Variants in RNF43 observed in about 807,000 individuals in gnomAD.
The protein encoded by RNF43 is E3 ubiquitin-protein ligase RNF43.
In RNF43, 37 loss-of-function variants were observed where a neutral mutation model predicts 78.4. The ratio of observed to expected loss-of-function variants is 0.47; its 90% CI spans 0.36 to 0.62. RNF43 has a LOEUF of 0.62. Ranked by LOEUF, RNF43 falls within the 20% of genes least tolerant of loss-of-function variation. RNF43 has a pLI of 0.00. For synonymous variants in RNF43, 347 were observed against 395.0 expected (o/e 0.88, Z 1.44); for missense variants, 774 against 1,007.9 (o/e 0.77, Z 3.14).
At position 58,360,847 on chromosome 17, in the gene RNF43, G is replaced by C. The variant is rs2143446210; in HGVS notation, c.785C>G (p.Ser262Ter). ...AGGGGCTGAGCTGCAGCTGCTCCCT[G>C]AGTCTGGCCACTCACCCCGGGCCTG... ...CRQARGEWPD[S>*]GSSCSSAPVC... is the part of the protein sequence containing the mutation. Residue 262 changes from serine to a stop codon, truncating the protein, a stop_gained, in exon 7 of 10, where the codon TCA becomes TGA. Transcript: ENST00000407977. LOFTEE classifies it high-confidence loss of function. The surrounding 1 kb of genome is among the most constrained non-coding windows in gnomAD (Gnocchi z 4.3). The C allele has an allele frequency of 6.2e-7, 1 of 1,613,126 alleles. No homozygotes were observed.
chr17:58,361,978 C>T (rs1269398462), intron 6 of RNF43, among the ~76,000 whole-genome samples: 1 of 151,988 alleles, frequency 6.6e-6, no homozygotes, highest in Non-Finnish European at 1.5e-5. Flanking sequence ...CCCAGCTACT[C>T]GCGAGACTGA....
At chr17:58,353,403 T>C (rs1234519920), downstream of RNF43, 2 of 198,894 alleles carry the variant, frequency 1.0e-5, no homozygotes, top group African/African-American at 4.6e-5. Flanking sequence ...CACTGAAGTA[T>C]GATAATGTGT....
In RNF43 at chr17:58,358,666, T is replaced by TG; in HGVS notation, c.1109dup (p.Arg371ThrfsTer72). 1 of 1,524,194 alleles carries TG rather than the reference T, an allele frequency of 6.6e-7. No individual in the cohort carries two copies. Among genetic ancestry groups the TG allele is most frequent in the Non-Finnish European group, 8.8e-7 (1 of 1,134,172 alleles). 94.4% of individuals were successfully genotyped at this position (1,524,194 alleles called of 1,614,324 possible). A position where few individuals can be genotyped will look rare whatever the true frequency, so the allele number is the denominator to read the frequency against. On this transcript the variant is annotated frameshift_variant, in exon 9 of 10. Coordinates refer to ENST00000407977, the MANE Select transcript of RNF43 (RefSeq NM_017763.6). LOFTEE classifies it high-confidence loss of function. This position sits in a 1 kb window ranked among gnomAD's most constrained non-coding sequence, Gnocchi z 6.2. ...GGGATGGCAGGAAGGGACCAGGTCG[T>TG]GGGGGCCGAGCCACTGCACTCCGGG... is the stretch of plus-strand genomic sequence containing the variant.
intron 3 of RNF43, among the ~76,000 whole-genome samples, chr17:58,367,724 G>A (rs1275173750): frequency 6.6e-6 from 1 of 152,182 alleles, no homozygotes; most frequent in Non-Finnish European, 1.5e-5. Context: ...AGGGGATAGT[G>A]GGGTGGTGAC....
intron 2 of RNF43, among the ~76,000 whole-genome samples, chr17:58,391,748 C>A (rs759014373): frequency 5.3e-5 from 8 of 152,146 alleles, no homozygotes; most frequent in Non-Finnish European, 8.8e-5. Flanking sequence ...TCCAAAGCAC[C>A]TCATAGAGAT....
At chr17:58,399,817 T>C (rs1973757312) in intron 2 of RNF43, among the ~76,000 whole-genome samples, 1 of 152,052 alleles carries the variant, frequency 6.6e-6, no homozygotes, top group Non-Finnish European at 1.5e-5. Flanking sequence ...AATTTTTGTA[T>C]TTTTAGTAGA....
At chr17:58,376,702 CAA>C (rs1973211899) in intron 2 of RNF43, among the ~76,000 whole-genome samples, 1 of 152,150 alleles carries the variant, frequency 6.6e-6, no homozygotes, top group Admixed American at 6.5e-5. Flanking sequence ...CATGAAGATG[CAA>C]ACACGATTTC....
chr17:58,352,506 G>A (rs1042449234), downstream of RNF43: 4 of 231,428 alleles, frequency 1.7e-5, no homozygotes, highest in East Asian at 1.9e-4. Context: ...ATCTGGGCTG[G>A]TGGCCCTGGG....
chr17:58,360,295 T>C lies in RNF43; in HGVS notation c.850-44A>G, dbSNP rs754921522. Reference sequence around the variant, plus strand: ...TCCAAACCAAAGGCTTCTGTAGCCATAGGAATTGCCAGGAATCAGGACATC... The same window carrying C: ...TCCAAACCAAAGGCTTCTGTAGCCACAGGAATTGCCAGGAATCAGGACATC... On this transcript the variant is annotated intron_variant, in intron 7 of 9. Transcript: ENST00000407977. The surrounding 1 kb of genome is among the most constrained non-coding windows in gnomAD (Gnocchi z 4.3). 6.7e-6 allele frequency: 10 copies of C among 1,485,970 alleles called. No individual in the cohort carries two copies. Among genetic ancestry groups the C allele is most frequent in the African/African-American group, 1.4e-5 (1 of 72,522 alleles). The allele number at this position is 1,485,970 out of a possible 1,614,324, so 92.0% of individuals were successfully genotyped here.
At chr17:58,356,286 T>C (rs981553418) in intron 9 of RNF43, among the ~76,000 whole-genome samples, 7 of 152,202 alleles carry the variant, frequency 4.6e-5, no homozygotes, top group African/African-American at 1.7e-4. Flanking sequence ...GGGCAGCTCC[T>C]AGGTCCTGCA....
At chr17:58,394,198 T>C (rs549087441) in intron 2 of RNF43, among the ~76,000 whole-genome samples, 1 of 152,302 alleles carries the variant, frequency 6.6e-6, no homozygotes, top group East Asian at 1.9e-4. Context: ...ATTAGAAATC[T>C]TGGTTGCAAT....
intron 3 of RNF43, among the ~76,000 whole-genome samples, chr17:58,368,098 T>G (rs955441588): frequency 1.3e-5 from 2 of 152,162 alleles, no homozygotes; most frequent in Non-Finnish European, 2.9e-5. Flanking sequence ...CTATCTGGCT[T>G]GAGAGCCCCA....
rs985626520 is a variant in RNF43 at position 58,382,033 on chromosome 17, A to G, written c.253-11000T>C. Among the ~76,000 whole-genome samples, 8 of 152,100 alleles carry G rather than the reference A, an allele frequency of 5.3e-5. No individual in the cohort carries two copies. The South Asian group carries it at 8.3e-4, about 16-fold the overall frequency. On this transcript the variant is annotated intron_variant, in intron 2 of 9. Transcript: ENST00000407977. ...CCAGTTCAAATTGGGCCCTTCTCCA[A>G]TCCTTTGACCAGCCCTCAGTCCCCA...
At chr17:58,369,573 A>T (rs999385087) in intron 3 of RNF43, among the ~76,000 whole-genome samples, 1 of 152,228 alleles carries the variant, frequency 6.6e-6, no homozygotes, top group African/African-American at 2.4e-5. Flanking sequence ...GCCACACACA[A>T]TCTGACTACA....
chr17:58,364,951 C>G (rs928497318), intron 3 of RNF43, among the ~76,000 whole-genome samples: 7 of 152,226 alleles, frequency 4.6e-5, no homozygotes, highest in African/African-American at 1.7e-4. Flanking sequence ...ACTCAGAACC[C>G]ACTGCCTGCA....
chr17:58,415,137 A>G (rs1355826231), intron 2 of RNF43, among the ~76,000 whole-genome samples, 189 bp downstream of exon 2: 1 of 152,212 alleles, frequency 6.6e-6, no homozygotes, highest in Non-Finnish European at 1.5e-5. Context: ...TATAGGATTT[A>G]TGTATTTCCT....
chr17:58,383,943 T>C (rs1468847706), intron 2 of RNF43, among the ~76,000 whole-genome samples: 1 of 152,208 alleles, frequency 6.6e-6, no homozygotes, highest in Admixed American at 6.5e-5. Flanking sequence ...AAGTCTTCAG[T>C]TGAAGAGACA....
At chr17:58,396,356 G>A (rs796131545) in intron 2 of RNF43, among the ~76,000 whole-genome samples, 9 of 152,236 alleles carry the variant, frequency 5.9e-5, no homozygotes, top group African/African-American at 2.2e-4. Context: ...GAGGAGAGAT[G>A]AGCACGCAAC....
intron 2 of RNF43, among the ~76,000 whole-genome samples, chr17:58,375,846 T>C (rs961264832): frequency 6.6e-6 from 1 of 152,266 alleles, no homozygotes; most frequent in African/African-American, 2.4e-5. Context: ...TCCAAGAAGA[T>C]GGCTTCACCT....
Sources: gnomAD v4.1 joint callset for allele counts (sites outside exome capture counted in the v4.1 genomes callset) on GRCh38, gnomAD v4.1.1 for gene constraint, Gnocchi (gnomAD v3.1) non-coding constraint, MANE v1.5 for transcripts, NCBI Gene and HGNC (gene_info 2026-07-23, HGNC 2026-07-21) for gene names.